Variants in IL1RAPL1 observed in about 807,000 individuals in gnomAD.
IL1RAPL1 encodes the protein interleukin-1 receptor accessory protein-like 1.
A neutral mutation model predicts 48.4 loss-of-function variants in IL1RAPL1; 3 were observed. That is an observed-to-expected ratio of 0.06 (90% CI 0.03 to 0.16). The LOEUF is 0.16. Among genes scored for constraint, IL1RAPL1 ranks in the 10% least tolerant of loss-of-function variants. The pLI is 1.00. For missense variants in IL1RAPL1, 349 were observed against 530.6 expected (o/e 0.66, Z 3.36); for synonymous variants, 185 against 187.7 (o/e 0.99, Z 0.12).
chrX:29,628,431 A>G (rs1271938989), intron 5 of IL1RAPL1, among the ~76,000 whole-genome samples: 3 of 111,936 alleles, frequency 2.7e-5, no homozygotes, highest in African/African-American at 6.5e-5. Flanking sequence ...GATCTGATGC[A>G]TAGGGTGCCC....
chrX:28,637,457 C>T (rs1187352391), intron 1 of IL1RAPL1, among the ~76,000 whole-genome samples: 1 of 111,648 alleles, frequency 9.0e-6, no homozygotes, highest in Non-Finnish European at 1.9e-5. Context: ...ATAATGTAAG[C>T]TTCATGCAAG....
chrX:29,769,633 T>TTG (rs1268181249), intron 6 of IL1RAPL1, among the ~76,000 whole-genome samples: 13 of 90,616 alleles, frequency 1.4e-4, no homozygotes, highest in African/African-American at 5.0e-4. Context: ...TTTTTTTTTT[T>TTG]TGAGATGGAG....
intron 5 of IL1RAPL1, among the ~76,000 whole-genome samples, chrX:29,595,844 A>G (rs1268259669): frequency 9.0e-6 from 1 of 111,256 alleles, no homozygotes; most frequent in African/African-American, 3.3e-5. Context: ...TTTCAACGTT[A>G]TCTTCTAGAA....
intron 1 of IL1RAPL1, among the ~76,000 whole-genome samples, chrX:28,604,563 C>T (rs1461270358): frequency 9.2e-6 from 1 of 108,837 alleles, no homozygotes; most frequent in Non-Finnish European, 1.9e-5. Flanking sequence ...CCTGTCTCTG[C>T]TAAAAATACA....
intron 5 of IL1RAPL1, among the ~76,000 whole-genome samples, chrX:29,510,051 T>C (rs1257296298): frequency 3.6e-5 from 4 of 112,457 alleles, no homozygotes; most frequent in Non-Finnish European, 5.6e-5. Flanking sequence ...ACCACAAATG[T>C]GAATCTGTAA....
chrX:29,873,310 C>T lies in IL1RAPL1; in HGVS notation c.779-44154C>T, dbSNP rs768326235. Among the ~76,000 whole-genome samples the T allele has an allele frequency of 4.5e-5, 5 of 111,308 alleles. No individual in the cohort carries two copies. The South Asian group carries it at 1.9e-3, about 42-fold the overall frequency. On this transcript the variant is annotated intron_variant, in intron 6 of 10. Transcript: ENST00000378993. ...ACTGCCTTTTCATTGTGTGGTTCAA[C>T]TTGGTCTTCAGGTGGTGTGCCCCAA...
chrX:29,080,271 T>C (rs1927771711), intron 2 of IL1RAPL1, among the ~76,000 whole-genome samples: 1 of 109,495 alleles, frequency 9.1e-6, no homozygotes, highest in African/African-American at 3.3e-5. Flanking sequence ...CCCAAGTACA[T>C]GCGAGGCTGA....
intron 2 of IL1RAPL1, among the ~76,000 whole-genome samples, chrX:29,271,072 A>G (rs1218334470): frequency 1.8e-5 from 2 of 111,568 alleles, no homozygotes; most frequent in East Asian, 5.6e-4. Flanking sequence ...ATCCATGTAT[A>G]CTTCATGTTT....
intron 2 of IL1RAPL1, among the ~76,000 whole-genome samples, chrX:29,073,502 T>C (rs1927609324): frequency 8.9e-6 from 1 of 111,920 alleles, no homozygotes. Flanking sequence ...TTCAATCATA[T>C]GCCTGCTGAG....
intron 6 of IL1RAPL1, among the ~76,000 whole-genome samples, chrX:29,906,364 AC>A (rs1415831685): frequency 9.1e-5 from 9 of 98,982 alleles, no homozygotes; most frequent in East Asian, 3.3e-4. Context: ...AAAAAAAAAA[AC>A]ATAAAAAAGC....
intron 2 of IL1RAPL1, among the ~76,000 whole-genome samples, chrX:29,019,604 T>A (rs767669197): frequency 1.8e-5 from 2 of 110,951 alleles, no homozygotes; most frequent in Non-Finnish European, 3.8e-5. Flanking sequence ...GGGATAAAAT[T>A]GAGGTAGTTG....
chrX:29,398,410 G>A (rs1206838319), intron 4 of IL1RAPL1, among the ~76,000 whole-genome samples: 2 of 111,968 alleles, frequency 1.8e-5, no homozygotes, highest in African/African-American at 6.5e-5. Context: ...AATCTGGCTA[G>A]AGGAAATTGA....
chrX:29,192,940 G>A (rs1280365952), intron 2 of IL1RAPL1, among the ~76,000 whole-genome samples: 1 of 110,577 alleles, frequency 9.0e-6, no homozygotes, highest in Non-Finnish European at 1.9e-5. Context: ...TAACAATAGC[G>A]TTTTAAGCAC....
At chrX:29,503,362 G>C (rs1042148240) in intron 5 of IL1RAPL1, among the ~76,000 whole-genome samples, 10 of 111,181 alleles carry the variant, frequency 9.0e-5, no homozygotes, top group African/African-American at 3.3e-4. Flanking sequence ...TTTCTGCTTA[G>C]ATCTTTATTA....
At chrX:29,789,780 C>CTTTTTT (rs143889631) in intron 6 of IL1RAPL1, among the ~76,000 whole-genome samples, 1 of 81,887 alleles carries the variant, frequency 1.2e-5, no homozygotes, top group Non-Finnish European at 2.4e-5. Context: ...TCATGAGTTT[C>CTTTTTT]TTTTTTTTTT....
chrX:29,319,983 G>C (rs1243147555), intron 3 of IL1RAPL1, among the ~76,000 whole-genome samples: 1 of 112,154 alleles, frequency 8.9e-6, no homozygotes, highest in Non-Finnish European at 1.9e-5. Context: ...AACTGTTGCT[G>C]TGTGGATACA....
intron 6 of IL1RAPL1, among the ~76,000 whole-genome samples, chrX:29,727,366 C>T (rs756673657): frequency 8.9e-6 from 1 of 112,049 alleles, no homozygotes; most frequent in South Asian, 3.7e-4. Context: ...AAAAAAGAGG[C>T]ATCTTCCTAC....
intron 6 of IL1RAPL1, among the ~76,000 whole-genome samples, chrX:29,788,930 T>G (rs1340367922): frequency 9.0e-6 from 1 of 111,702 alleles, no homozygotes; most frequent in Non-Finnish European, 1.9e-5. Flanking sequence ...ATTGATAAAC[T>G]TGTCATAATT....
At chrX:29,143,350 T>A (rs1385944507) in intron 2 of IL1RAPL1, among the ~76,000 whole-genome samples, 1 of 112,032 alleles carries the variant, frequency 8.9e-6, no homozygotes, top group Non-Finnish European at 1.9e-5. Flanking sequence ...TTGAGGAGAA[T>A]CTGATTCTAA....
Sources: allele counts gnomAD v4.1 joint callset (sites outside exome capture counted in the v4.1 genomes callset), GRCh38; gene constraint gnomAD v4.1.1; transcripts MANE v1.5; gene names NCBI Gene and HGNC (gene_info 2026-07-23, HGNC 2026-07-21).